The following CNTNAP2 variants were observed in gnomAD, a reference collection of about 807,000 sequenced individuals.
CNTNAP2 encodes the protein contactin associated protein 2, also known as contactin-associated protein-like 2.
A neutral mutation model predicts 155.2 loss-of-function variants in CNTNAP2; 98 were observed. The ratio of observed to expected loss-of-function variants is 0.63; its 90% CI spans 0.54 to 0.75. CNTNAP2 has a LOEUF of 0.75. Ranked by LOEUF, CNTNAP2 falls within the 30% of genes least tolerant of loss-of-function variation. The pLI is 0.00. For missense variants in CNTNAP2, 1,727 were observed against 1,688.1 expected (o/e 1.02, Z -0.40); for synonymous variants, 651 against 631.2 (o/e 1.03, Z -0.47).
At chr7:147,079,828 AC>A (rs1278538781) in intron 4 of CNTNAP2, among the ~76,000 whole-genome samples, 1 of 151,842 alleles carries the variant, frequency 6.6e-6, no homozygotes, top group Admixed American at 6.6e-5. Flanking sequence ...GAGAATCCCC[AC>A]GTGTTTGTCC....
intron 1 of CNTNAP2, among the ~76,000 whole-genome samples, chr7:146,254,976 A>G (rs1563010066): frequency 6.6e-6 from 1 of 152,196 alleles, no homozygotes; most frequent in African/African-American, 2.4e-5. Context: ...ACATTTCAAA[A>G]GGATTGCATG....
chr7:147,225,878 A>AGAAGGAAGGAAG (rs3084356), intron 8 of CNTNAP2, among the ~76,000 whole-genome samples: 9 of 111,576 alleles, frequency 8.1e-5, no homozygotes, highest in African/African-American at 1.0e-4. Context: ...AAGGAGGGAA[A>AGAAGGAAGGAAG]GAAGGAAGGA....
chr7:147,950,338 C>T (rs73464231), intron 14 of CNTNAP2, among the ~76,000 whole-genome samples: 3,391 of 117,978 alleles, frequency 0.029, 147 homozygotes, highest in African/African-American at 0.11. Flanking sequence ...TTTTCCATCA[C>T]AGCTTAAGCT....
intron 13 of CNTNAP2, among the ~76,000 whole-genome samples, chr7:147,839,047 TA>T (rs1798679081): frequency 6.6e-6 from 1 of 152,174 alleles, no homozygotes; most frequent in Non-Finnish European, 1.5e-5. Context: ...GTCCCAAAGC[TA>T]AAGAACTTTG....
chr7:147,174,710 G>T (rs1160830658), intron 8 of CNTNAP2, among the ~76,000 whole-genome samples: 2 of 152,000 alleles, frequency 1.3e-5, no homozygotes, highest in Non-Finnish European at 2.9e-5. Flanking sequence ...TGCCTTTGAA[G>T]AGAAAAAAGA....
chr7:146,172,420 C>T (rs890442853), intron 1 of CNTNAP2, among the ~76,000 whole-genome samples: 3 of 152,016 alleles, frequency 2.0e-5, no homozygotes, highest in African/African-American at 4.8e-5. Flanking sequence ...TTGAGAAATT[C>T]TTATTGAAAC....
rs188502619 is a variant in CNTNAP2 at position 148,284,254 on chromosome 7, T to C, written c.3475+17128T>C. ...GTTGTGGGAGGGACCCGATGGGAGA[T>C]AATTGAATCATGGGGGGGTTTCCCC... On this transcript the variant is annotated intron_variant, in intron 21 of 23. Transcript: ENST00000361727. 9.6e-3 allele frequency among the ~76,000 whole-genome samples: 1,461 copies of C among 152,256 alleles called. 14 individuals carry two copies. The highest frequency in any genetic ancestry group is 0.015 in the Non-Finnish European group (1,051 of 68,004).
At chr7:147,728,375 A>G (rs762783891) in intron 13 of CNTNAP2, among the ~76,000 whole-genome samples, 1 of 152,092 alleles carries the variant, frequency 6.6e-6, no homozygotes, top group Non-Finnish European at 1.5e-5. Flanking sequence ...TGTGTCATAT[A>G]TTATTTTGGA....
At chr7:146,565,516 A>G (rs1798344339) in intron 1 of CNTNAP2, among the ~76,000 whole-genome samples, 1 of 152,160 alleles carries the variant, frequency 6.6e-6, no homozygotes, top group Admixed American at 6.5e-5. Context: ...ATATGGGGGT[A>G]AGGAACTCAC....
intron 1 of CNTNAP2, among the ~76,000 whole-genome samples, chr7:146,479,518 A>G (rs969367135): frequency 6.6e-6 from 1 of 152,198 alleles, no homozygotes; most frequent in Admixed American, 6.5e-5. Context: ...ATGTATTTAC[A>G]TAATAAATGA....
At chr7:147,582,549 A>T (rs1800523400) in intron 12 of CNTNAP2, among the ~76,000 whole-genome samples, 1 of 152,174 alleles carries the variant, frequency 6.6e-6, no homozygotes, top group African/African-American at 2.4e-5. Flanking sequence ...TTCTATCTAC[A>T]AAACATTCTG....
At position 147,895,593 on chromosome 7, in the gene CNTNAP2, G is replaced by A. The variant is rs76777730; in HGVS notation, c.2099-7972G>A. 9.8e-3 allele frequency among the ~76,000 whole-genome samples: 1,487 copies of A among 152,248 alleles called. 30 individuals carry two copies. The highest frequency in any genetic ancestry group is 0.034 in the African/African-American group (1,402 of 41,542). On this transcript the variant is annotated intron_variant, in intron 13 of 23. Coordinates refer to ENST00000361727, the MANE Select transcript of CNTNAP2 (RefSeq NM_014141.6). The stretch of plus-strand genomic sequence containing the variant: ...ATATTCTGAGGTTAGAGAAGTTCTT[G>A]AACTCTTGGAAATAGATAATTCAGT...
rs959102560 is a variant in CNTNAP2, at chr7:147,639,361, T to C, written c.2098+55T>C. 3.9e-6 allele frequency: 6 copies of C among 1,532,098 alleles called. No homozygotes were observed. The Admixed American group carries it at 8.9e-5, about 23-fold the overall frequency. 94.9% of individuals were successfully genotyped at this position (1,532,098 alleles called of 1,614,324 possible). A position where few individuals can be genotyped will look rare whatever the true frequency, so the allele number is the denominator to read the frequency against. On this transcript the variant is annotated intron_variant, in intron 13 of 23. Coordinates refer to ENST00000361727, the MANE Select transcript of CNTNAP2 (RefSeq NM_014141.6). The stretch of plus-strand genomic sequence containing the variant: ...TCACTATCTCAGCTGGTGCTTAGAA[T>C]TGCCTAAAGAATCCAACAGGTGTGG...
intron 1 of CNTNAP2, among the ~76,000 whole-genome samples, chr7:146,663,299 G>GA (rs1475847666): frequency 9.9e-6 from 1 of 100,996 alleles, no homozygotes; most frequent in African/African-American, 4.5e-5. Flanking sequence ...AAAAAAAAAA[G>GA]AAAGAAAGAA....
intron 12 of CNTNAP2, among the ~76,000 whole-genome samples, chr7:147,576,802 C>T (rs571678830): frequency 7.1e-4 from 90 of 127,506 alleles, no homozygotes; most frequent in African/African-American, 2.4e-3. Flanking sequence ...GCAACTTATA[C>T]GTTTGGGGTA....
intron 3 of CNTNAP2, among the ~76,000 whole-genome samples, chr7:146,908,511 T>A (rs1360347787): frequency 7.4e-6 from 1 of 135,216 alleles, no homozygotes; most frequent in East Asian, 2.1e-4. Context: ...TCAAAACCAC[T>A]CAACTACATG....
chr7:147,752,043 T>C (rs1797144520), intron 13 of CNTNAP2, among the ~76,000 whole-genome samples: 1 of 152,218 alleles, frequency 6.6e-6, no homozygotes, highest in Admixed American at 6.5e-5. Flanking sequence ...GAGCTATTGC[T>C]ATGTAATGAA....
intron 1 of CNTNAP2, among the ~76,000 whole-genome samples, chr7:146,211,263 G>T (rs886307092): frequency 1.3e-5 from 2 of 152,128 alleles, no homozygotes; most frequent in Admixed American, 1.3e-4. Flanking sequence ...AAAAAATATA[G>T]TTTTAAGTTA....
chr7:147,406,484 T>C (rs935374153), intron 10 of CNTNAP2, among the ~76,000 whole-genome samples: 3 of 152,324 alleles, frequency 2.0e-5, no homozygotes, highest in African/African-American at 7.2e-5. Flanking sequence ...AAAACACATA[T>C]TTCCATTTCC....
Sources: allele counts gnomAD v4.1 joint callset (sites outside exome capture counted in the v4.1 genomes callset), GRCh38; gene constraint gnomAD v4.1.1; transcripts MANE v1.5; gene names NCBI Gene and HGNC (gene_info 2026-07-23, HGNC 2026-07-21).